ZNF804B: variants seen among roughly 807,000 people sequenced by gnomAD.
ZNF804B encodes the protein zinc finger protein 804B, also known as zinc finger 804B.
Under a neutral mutation model 101.4 loss-of-function variants are expected in ZNF804B, and 80 were observed. That is an observed-to-expected ratio of 0.79 (90% CI 0.66 to 0.95). ZNF804B has a LOEUF of 0.95. ZNF804B is among the 40% of genes least tolerant of loss of function. ZNF804B has a pLI of 0.00. For missense variants in ZNF804B, 1,673 were observed against 1,561.9 expected, an observed-to-expected ratio of 1.07 and a Z score of -1.20; for synonymous variants, 622 against 558.8, an observed-to-expected ratio of 1.11 and a Z score of -1.59.
chr7:88,888,014 G>A (rs1792158450), intron 1 of ZNF804B, among the ~76,000 whole-genome samples: 1 of 152,034 alleles, frequency 6.6e-6, no homozygotes. Context: ...TGGCTCTATA[G>A]TTGCAGTTAT....
At chr7:88,903,743 G>A (rs1792426730) in intron 1 of ZNF804B, among the ~76,000 whole-genome samples, 1 of 152,090 alleles carries the variant, frequency 6.6e-6, no homozygotes, top group African/African-American at 2.4e-5. Context: ...TTGGCCACTT[G>A]CATGTCTTCT....
At chr7:89,326,572 G>C (rs377287298) in intron 2 of ZNF804B, among the ~76,000 whole-genome samples, 210 of 152,134 alleles carry the variant, frequency 1.4e-3, no homozygotes, top group African/African-American at 4.8e-3. Flanking sequence ...TCCAATTCAG[G>C]ATTAAGCCCC....
intron 1 of ZNF804B, among the ~76,000 whole-genome samples, chr7:88,838,478 GAAGT>G (rs1419014609): frequency 6.6e-6 from 1 of 151,860 alleles, no homozygotes; most frequent in Non-Finnish European, 1.5e-5. Context: ...AAAATTATTT[GAAGT>G]ATTTATTTGG....
chr7:88,941,913 G>A (rs561521550), intron 1 of ZNF804B, among the ~76,000 whole-genome samples: 1 of 151,920 alleles, frequency 6.6e-6, no homozygotes, highest in South Asian at 2.1e-4. Flanking sequence ...GGAAATCCAA[G>A]GTAACTTATC....
chr7:88,954,206 A>C (rs182573344), intron 1 of ZNF804B, among the ~76,000 whole-genome samples: 2 of 151,882 alleles, frequency 1.3e-5, no homozygotes, highest in Admixed American at 1.3e-4. Context: ...TGCATTGTTA[A>C]AGTGAATAAA....
chr7:89,131,563 A>G (rs1790547657), intron 1 of ZNF804B, among the ~76,000 whole-genome samples: 1 of 152,090 alleles, frequency 6.6e-6, no homozygotes, highest in Admixed American at 6.6e-5. Flanking sequence ...GAAATGCACA[A>G]CACCAAATTT....
At chr7:88,915,554 A>G (rs1289098050) in intron 1 of ZNF804B, among the ~76,000 whole-genome samples, 1 of 151,316 alleles carries the variant, frequency 6.6e-6, no homozygotes, top group Admixed American at 6.6e-5. Flanking sequence ...GTATTAATGA[A>G]TTAATTTTCA....
chr7:88,775,544 T>A (rs1482245308), intron 1 of ZNF804B, among the ~76,000 whole-genome samples: 1 of 152,218 alleles, frequency 6.6e-6, no homozygotes, highest in East Asian at 1.9e-4. Flanking sequence ...TAACCATGAC[T>A]TTTTTGTTGT....
intron 1 of ZNF804B, among the ~76,000 whole-genome samples, chr7:89,074,604 C>T (rs1367449115): frequency 1.3e-5 from 2 of 152,142 alleles, no homozygotes; most frequent in African/African-American, 4.8e-5. Context: ...TTTTTATTCC[C>T]AGTCTCTGGT....
At chr7:89,323,637 G>A (rs1316153039) in intron 2 of ZNF804B, among the ~76,000 whole-genome samples, 1 of 151,982 alleles carries the variant, frequency 6.6e-6, no homozygotes, top group African/African-American at 2.4e-5. Flanking sequence ...AAGAATGCAA[G>A]GTATTGTTCT....
intron 2 of ZNF804B, among the ~76,000 whole-genome samples, chr7:89,244,867 A>C (rs965379315): frequency 6.6e-6 from 1 of 152,198 alleles, no homozygotes; most frequent in African/African-American, 2.4e-5. Context: ...TTCTCAGCAG[A>C]GTTTTAGTAT....
chr7:88,978,382 C>T (rs570650673), intron 1 of ZNF804B, among the ~76,000 whole-genome samples: 1 of 151,864 alleles, frequency 6.6e-6, no homozygotes, highest in East Asian at 2.0e-4. Flanking sequence ...ATAATATTTG[C>T]TTTGTATATC....
At chr7:88,935,352 A>G (rs997197520) in intron 1 of ZNF804B, among the ~76,000 whole-genome samples, 2 of 145,158 alleles carry the variant, frequency 1.4e-5, no homozygotes, top group Non-Finnish European at 1.5e-5. Flanking sequence ...TCAAAAAACT[A>G]TTGAAGTAAA....
In ZNF804B at chr7:89,028,667, G is replaced by T. The variant is rs1488641348; in HGVS notation, c.109-189488G>T. ...AGTAAGCGTGCCATAAATGTTTCTT[G>T]AAATGATTAAAATTATGCTTTGTTT... is the stretch of plus-strand genomic sequence containing the variant. On this transcript the variant is annotated intron_variant, in intron 1 of 3. Coordinates refer to ENST00000333190, the MANE Select transcript of ZNF804B (RefSeq NM_181646.5). Among the ~76,000 whole-genome samples the T allele has an allele frequency of 2.6e-5, 4 of 152,188 alleles. No homozygotes were observed. The East Asian group carries it at 7.7e-4, about 29-fold the overall frequency.
chr7:88,780,302 A>G (rs117999909), intron 1 of ZNF804B, among the ~76,000 whole-genome samples: 7,093 of 152,054 alleles, frequency 0.047, 219 homozygotes, highest in Admixed American at 0.065. Context: ...ACATACTCAT[A>G]TCTTCAGCAG....
Position 89,335,647 on chromosome 7 carries a change from A to G in ZNF804B, c.2665A>G (p.Met889Val). 6.2e-7 allele frequency: 1 copy of G among 1,614,030 alleles called. No individual in the cohort carries two copies. ...TTGTGATCTGGGAAAAGTCAGGCCC[A>G]TGAAGTGTAACTCCGGGAATATCAG... ...HICDLGKVRP[M>V]KCNSGNISCL... Residue 889 changes from methionine (M) to valine (V), a missense_variant, in exon 4 of 4, where the codon ATG becomes GTG. Physicochemically the swap from Met to Val is conservative, Grantham distance 21 (BLOSUM62 1). Transcript: ENST00000333190.
In ZNF804B at chr7:89,241,966, G is replaced by A. The variant is rs532244590; in HGVS notation, c.249+23671G>A. Among the ~76,000 whole-genome samples, 48 of 150,058 alleles carry A rather than the reference G, an allele frequency of 3.2e-4. 1 individual carries two copies. The South Asian group carries it at 9.8e-3, about 31-fold the overall frequency. On this transcript the variant is annotated intron_variant, in intron 2 of 3. Transcript: ENST00000333190. ...ACTTTCCACCAACTTCTCTTCTCCA[G>A]GCTTTTCCTACTTATCCTGTAAAAC...
At chr7:88,951,796 G>A (rs1793227821) in intron 1 of ZNF804B, among the ~76,000 whole-genome samples, 1 of 151,732 alleles carries the variant, frequency 6.6e-6, no homozygotes, top group African/African-American at 2.4e-5. Flanking sequence ...GCAAATGTAG[G>A]CAACTCCTGC....
Position 88,884,142 on chromosome 7 carries a change from T to C in ZNF804B, c.108+124058T>C, listed in dbSNP as rs921979273. 4.0e-5 allele frequency among the ~76,000 whole-genome samples: 6 copies of C among 151,830 alleles called. No individual in the cohort carries two copies. In the South Asian group the frequency reaches 1.2e-3, roughly 31 times the overall value. On this transcript the variant is annotated intron_variant, in intron 1 of 3. Transcript: ENST00000333190. ...CTATAATGATTTTATCTTTTTTTTT[T>C]CTGAGCACTCTCCATATTCTTTACC...
Sources: gnomAD v4.1 joint callset for allele counts (sites outside exome capture counted in the v4.1 genomes callset) on GRCh38, gnomAD v4.1.1 for gene constraint, MANE v1.5 for transcripts, NCBI Gene and HGNC (gene_info 2026-07-23, HGNC 2026-07-21) for gene names.